The following FNIP1 variants were observed in gnomAD, a reference collection of about 807,000 sequenced individuals.
FNIP1 encodes the protein folliculin interacting protein 1, also known as folliculin-interacting protein 1.
A neutral mutation model predicts 124.5 loss-of-function variants in FNIP1; 40 were observed. The ratio of observed to expected loss-of-function variants is 0.32; its 90% confidence interval spans 0.25 to 0.42. The LOEUF (loss-of-function observed/expected upper bound fraction) is 0.42, where lower values mean the gene tolerates loss of function less well. Ranked by LOEUF, FNIP1 falls within the 10% of genes least tolerant of loss-of-function variation. The pLI, the probability that FNIP1 is intolerant of heterozygous loss-of-function variation, is 1.00. For missense variants in FNIP1, 1,176 were observed against 1,403.7 expected (o/e 0.84, Z 2.59); for synonymous variants, 472 against 470.6 (o/e 1.00, Z -0.04).
chr5:131,718,808 A>G (rs1245720254), intron 5 of FNIP1, among the ~76,000 whole-genome samples, 178 bp downstream of exon 5: 2 of 152,222 alleles, frequency 1.3e-5, no homozygotes, highest in African/African-American at 4.8e-5. Context: ...AACAGAAACC[A>G]CATCTCATGT....
chr5:131,742,718 T>C (rs931919184), intron 2 of FNIP1, among the ~76,000 whole-genome samples: 1 of 152,242 alleles, frequency 6.6e-6, no homozygotes, highest in African/African-American at 2.4e-5. Flanking sequence ...TTAAACATAA[T>C]GTCTTTATTA....
chr5:131,731,348 T>G (rs964471711), intron 2 of FNIP1, among the ~76,000 whole-genome samples: 1 of 152,152 alleles, frequency 6.6e-6, no homozygotes, highest in Non-Finnish European at 1.5e-5. Context: ...GTTTTCAAAT[T>G]ATTTGGTCTC....
In FNIP1 at chr5:131,797,005, G is replaced by A; in HGVS notation, c.-84C>T. On this transcript the variant is annotated 5_prime_UTR_variant, in exon 1 of 18. Coordinates refer to ENST00000510461, the MANE Select transcript of FNIP1 (RefSeq NM_133372.3). ...CAGCCGCCCCGCCACCCCCATGGGC[G>A]CCTCAGTCATATGACAGAAATTAGT... 2 of 1,271,906 alleles carry A rather than the reference G, an allele frequency of 1.6e-6. No homozygotes were observed. The highest frequency in any genetic ancestry group is 2.6e-5 in the East Asian group (1 of 37,978). The allele number at this position is 1,271,906 out of a possible 1,614,324, so 78.8% of individuals were successfully genotyped here. A position where few individuals can be genotyped will look rare whatever the true frequency, so the allele number is the denominator to read the frequency against.
intron 11 of FNIP1, among the ~76,000 whole-genome samples, chr5:131,683,552 CAAAAA>C (rs1184433193): frequency 5.7e-5 from 3 of 53,006 alleles, no homozygotes; most frequent in Non-Finnish European, 1.3e-4. Flanking sequence ...GACTCCGTCT[CAAAAA>C]AAAAAAAAAA....
At chr5:131,790,143 G>A (rs1190445648) in intron 1 of FNIP1, among the ~76,000 whole-genome samples, 1 of 152,208 alleles carries the variant, frequency 6.6e-6, no homozygotes, top group Admixed American at 6.5e-5. Flanking sequence ...CTGTCCACTG[G>A]CACAACAATG....
rs148072520 is a variant in FNIP1 at position 131,744,036 on chromosome 5, G to A, written c.219+528C>T. Among the ~76,000 whole-genome samples, 993 of 152,198 alleles carry A rather than the reference G, an allele frequency of 6.5e-3. 3 individuals carry two copies. Among genetic ancestry groups the A allele is most frequent in the Middle Eastern group, 0.017 (5 of 294 alleles). On this transcript the variant is annotated intron_variant, in intron 2 of 17. Coordinates refer to ENST00000510461, the MANE Select transcript of FNIP1 (RefSeq NM_133372.3). Reference sequence around the variant, plus strand: ...TCGTCCCAGAAAAGGTATGCAGGGAGAGTTCAAAAAACAGCATGAGTGGAT... The same window carrying A: ...TCGTCCCAGAAAAGGTATGCAGGGAAAGTTCAAAAAACAGCATGAGTGGAT...
chr5:131,644,683 T>A lies in FNIP1; in HGVS notation c.*2A>T, dbSNP rs765093646. The A allele has an allele frequency of 1.9e-6, 3 of 1,613,204 alleles. No individual in the cohort carries two copies. In the South Asian group the frequency reaches 3.3e-5, roughly 18 times the overall value. On this transcript the variant is annotated 3_prime_UTR_variant, in exon 18 of 18. Coordinates refer to ENST00000510461, the MANE Select transcript of FNIP1 (RefSeq NM_133372.3). Reference sequence around the variant, plus strand: ...ACCAATTTCTAACAATTTTTAGGTATATTAAAGGAGTATTTGTGCAACATA... The same window carrying A: ...ACCAATTTCTAACAATTTTTAGGTAAATTAAAGGAGTATTTGTGCAACATA...
chr5:131,735,523 CAT>C (rs1770265166), intron 2 of FNIP1, among the ~76,000 whole-genome samples: 1 of 147,038 alleles, frequency 6.8e-6, no homozygotes, highest in African/African-American at 2.5e-5. Context: ...TACGTATATA[CAT>C]ATATACGTAT....
chr5:131,655,541 A>G (rs1767165525), intron 15 of FNIP1, among the ~76,000 whole-genome samples: 1 of 152,182 alleles, frequency 6.6e-6, no homozygotes, highest in African/African-American at 2.4e-5. Flanking sequence ...TGTAGTACCT[A>G]CTGCACTACT....
At chr5:131,676,256 G>A (rs899077866) in intron 13 of FNIP1, among the ~76,000 whole-genome samples, 4 of 151,964 alleles carry the variant, frequency 2.6e-5, no homozygotes, top group East Asian at 3.9e-4. Context: ...CTCATGATCC[G>A]CCTGCCTCGG....
intron 15 of FNIP1, among the ~76,000 whole-genome samples, chr5:131,667,667 C>T (rs1169488030): frequency 5.3e-5 from 8 of 149,896 alleles, no homozygotes; most frequent in Admixed American, 2.0e-4. Flanking sequence ...CGGCTCACTG[C>T]AACCTCTACC....
At chr5:131,784,436 T>C (rs1416960041) in intron 1 of FNIP1, among the ~76,000 whole-genome samples, 1 of 152,142 alleles carries the variant, frequency 6.6e-6, no homozygotes, top group Non-Finnish European at 1.5e-5. Flanking sequence ...GAGAAGGGTA[T>C]GTATGTGTGT....
chr5:131,679,258 C>G, intron 11 of FNIP1, 83 bp from the exon 12 acceptor site: 1 of 824,774 alleles, frequency 1.2e-6, no homozygotes, highest in Non-Finnish European at 2.0e-6. Context: ...ATATTGCCAG[C>G]TTGGTCCTTA....
intron 16 of FNIP1, among the ~76,000 whole-genome samples, chr5:131,651,288 C>G (rs1767031310): frequency 6.6e-6 from 1 of 152,026 alleles, no homozygotes; most frequent in Non-Finnish European, 1.5e-5. Flanking sequence ...TCCTACTCAG[C>G]AGGCTAAGGC....
chr5:131,722,769 T>TCCGCC (rs1769716181), intron 3 of FNIP1, among the ~76,000 whole-genome samples: 1 of 152,190 alleles, frequency 6.6e-6, no homozygotes, highest in Non-Finnish European at 1.5e-5. Context: ...CACTGCAACC[T>TCCGCC]CCGCCTCCTG....
chr5:131,677,363 G>A (rs926641933), intron 13 of FNIP1, among the ~76,000 whole-genome samples: 2 of 152,238 alleles, frequency 1.3e-5, no homozygotes, highest in African/African-American at 4.8e-5. Context: ...TAACCAGATT[G>A]ATTTTAGGTA....
At chr5:131,763,760 A>G (rs1771321487) in intron 1 of FNIP1, among the ~76,000 whole-genome samples, 1 of 152,196 alleles carries the variant, frequency 6.6e-6, no homozygotes, top group Non-Finnish European at 1.5e-5. Flanking sequence ...ATGTTACAAT[A>G]TATAATTTTT....
At chr5:131,760,809 A>G (rs894478145) in intron 1 of FNIP1, among the ~76,000 whole-genome samples, 2 of 150,842 alleles carry the variant, frequency 1.3e-5, no homozygotes, top group African/African-American at 4.9e-5. Flanking sequence ...AGAATTAGGG[A>G]TTCACCACCA....
chr5:131,773,362 G>A (rs1377226636), intron 1 of FNIP1, among the ~76,000 whole-genome samples: 1 of 152,148 alleles, frequency 6.6e-6, no homozygotes, highest in Non-Finnish European at 1.5e-5. Context: ...CTAAACTAAA[G>A]CTCCTAGATC....
Sources: allele counts gnomAD v4.1 joint callset (sites outside exome capture counted in the v4.1 genomes callset), GRCh38; gene constraint gnomAD v4.1.1; transcripts MANE v1.5; gene names NCBI Gene and HGNC (gene_info 2026-07-23, HGNC 2026-07-21).